TRIM61: variants seen among roughly 807,000 people sequenced by gnomAD.
TRIM61 encodes the protein tripartite motif containing 61.
In TRIM61, 1 loss-of-function variant was observed where a neutral mutation model predicts 14.2. The observed-to-expected ratio is 0.07, with a 90% CI of 0.03 to 0.33. The LOEUF (loss-of-function observed/expected upper bound fraction) is 0.33, where lower values mean the gene tolerates loss of function less well. Among genes scored for constraint, TRIM61 ranks in the 10% least tolerant of loss-of-function variants. The pLI is 0.99. For missense variants in TRIM61, 19 were observed against 202.2 expected (o/e 0.09, Z 5.49); for synonymous variants, 8 against 71.6 (o/e 0.11, Z 4.49).
intron 3 of TRIM61, among the ~76,000 whole-genome samples, chr4:164,965,472 T>C (rs1185445033): frequency 2.0e-4 from 28 of 143,074 alleles, no homozygotes; most frequent in African/African-American, 7.0e-4. Context: ...TTTGAGATGA[T>C]ACCCAGGCTG....
intron 2 of TRIM61, among the ~76,000 whole-genome samples, chr4:164,971,496 CAGG>C (rs1732363680): frequency 6.6e-6 from 1 of 150,760 alleles, no homozygotes; most frequent in South Asian, 2.1e-4. Flanking sequence ...GAGGCTGAGG[CAGG>C]AGAATTGCTT....
chr4:164,965,407 G>C (rs7657444), intron 3 of TRIM61, among the ~76,000 whole-genome samples: 23,682 of 149,644 alleles, frequency 0.16, 2,718 homozygotes, highest in East Asian at 0.61. Flanking sequence ...TCTATGTAAT[G>C]TATTGATTAA....
intron 2 of TRIM61, among the ~76,000 whole-genome samples, 157 bp from the exon 3 acceptor site, chr4:164,970,496 TAAA>T (rs201077044): frequency 7.0e-6 from 1 of 143,110 alleles, no homozygotes. Flanking sequence ...CATTACTTAT[TAAA>T]AAAAAAAAAA....
Position 164,969,819 on chromosome 4 carries a change from C to G in TRIM61, c.184G>C (p.Glu62Gln), listed in dbSNP as rs767375704. 6.2e-7 allele frequency: 1 copy of G among 1,613,908 alleles called. No individual in the cohort carries two copies. Among genetic ancestry groups the G allele is most frequent in the Non-Finnish European group, 8.5e-7 (1 of 1,179,890 alleles). The change falls in exon 3 of 5, where the codon GAA becomes CAA. Residue 62 changes from glutamate (E) to glutamine (Q), a missense_variant. By Grantham distance (29) the Glu-to-Gln change is conservative. Around this residue, in one of 2 missense-constraint regions of TRIM61, gnomAD observed 17 missense variants for 105.5 expected, o/e 0.16. Transcript: ENST00000329314. ...TGGGGATTGCTTATAAATTTCCTTT[C>G]TGGACAGCAAAAGTGGCAAAAGGGG...
chr4:164,976,220 C>T (rs1307738781), intron 2 of TRIM61, among the ~76,000 whole-genome samples: 1 of 152,198 alleles, frequency 6.6e-6, no homozygotes, highest in Non-Finnish European at 1.5e-5. Flanking sequence ...ACTGAGGGAA[C>T]TCAGAGGCCG....
At chr4:164,975,809 G>C (rs144002660) in intron 2 of TRIM61, among the ~76,000 whole-genome samples, 4,368 of 152,228 alleles carry the variant, frequency 0.029, 210 homozygotes, top group African/African-American at 0.1. Context: ...ACCCGTAAAG[G>C]GTCTGTGCTG....
intron 3 of TRIM61, chr4:164,956,941 T>C (rs769123450): frequency 6.8e-5 from 92 of 1,346,036 alleles, no homozygotes; most frequent in African/African-American, 4.1e-4. Context: ...GCCGGCACCG[T>C]CTCTGGGCTT....
chr4:164,957,653 A>G, intron 3 of TRIM61: 1 of 899,388 alleles, frequency 1.1e-6, no homozygotes, highest in Non-Finnish European at 1.6e-6. Flanking sequence ...GGAAGAGATT[A>G]AACTCTGATT....
At chr4:164,976,174 T>C (rs1433701265) in intron 2 of TRIM61, among the ~76,000 whole-genome samples, 1 of 152,158 alleles carries the variant, frequency 6.6e-6, no homozygotes, top group Non-Finnish European at 1.5e-5. Flanking sequence ...ACTACATTCC[T>C]TTTTGCTGAA....
intron 2 of TRIM61, among the ~76,000 whole-genome samples, chr4:164,973,202 A>G (rs1732408028): frequency 6.6e-6 from 1 of 152,190 alleles, no homozygotes; most frequent in East Asian, 1.9e-4. Context: ...AACCATCAGA[A>G]CAACTCCGTA....
chr4:164,967,503 G>C (rs1732268774), intron 3 of TRIM61, among the ~76,000 whole-genome samples: 1 of 152,182 alleles, frequency 6.6e-6, no homozygotes, highest in Non-Finnish European at 1.5e-5. Flanking sequence ...AAGGACAGTA[G>C]CTGAACAGGA....
intron 3 of TRIM61, among the ~76,000 whole-genome samples, chr4:164,963,071 A>G (rs1437956764): frequency 1.3e-5 from 2 of 152,246 alleles, no homozygotes; most frequent in African/African-American, 2.4e-5. Flanking sequence ...AAATGTAATC[A>G]TAAAACATGC....
chr4:164,971,056 G>A (rs972857993), intron 2 of TRIM61, among the ~76,000 whole-genome samples: 2 of 152,112 alleles, frequency 1.3e-5, no homozygotes, highest in African/African-American at 4.8e-5. Flanking sequence ...AGCTGAGATT[G>A]CAGCACGGCA....
chr4:164,973,720 A>G (rs572025345), intron 2 of TRIM61, among the ~76,000 whole-genome samples: 9 of 152,244 alleles, frequency 5.9e-5, no homozygotes, highest in Non-Finnish European at 7.3e-5. Context: ...CATTTAACCC[A>G]TGTACAATAA....
intron 3 of TRIM61, chr4:164,958,593 A>G (rs1732066464): frequency 1.2e-5 from 2 of 167,108 alleles, no homozygotes; most frequent in African/African-American, 4.8e-5. Context: ...GCAACTATCA[A>G]TAAAACAGTA....
intron 2 of TRIM61, among the ~76,000 whole-genome samples, chr4:164,971,975 C>T (rs930581422): frequency 2.0e-5 from 3 of 152,174 alleles, no homozygotes; most frequent in African/African-American, 4.8e-5. Flanking sequence ...GTCTTGGTGA[C>T]CTAGCAAGTT....
At chr4:164,974,777 C>T (rs1241428648) in intron 2 of TRIM61, among the ~76,000 whole-genome samples, 1 of 152,162 alleles carries the variant, frequency 6.6e-6, no homozygotes, top group Non-Finnish European at 1.5e-5. Flanking sequence ...ACTCTTCCCA[C>T]CTGCCCACAC....
In TRIM61 at chr4:164,973,742, G is replaced by C. The variant is rs564167800; in HGVS notation, c.-338+2946C>G. On this transcript the variant is annotated intron_variant, in intron 2 of 4. Transcript: ENST00000329314. ...CCCATGTACAATAAAAAATATTGTA[G>C]GACTATCTCAGAAAATCTCTCAAGA... 2.6e-5 allele frequency among the ~76,000 whole-genome samples: 4 copies of C among 152,270 alleles called. No homozygotes were observed. In the South Asian group the frequency reaches 8.3e-4, roughly 32 times the overall value.
At chr4:164,964,548 A>T (rs1732199012) in intron 3 of TRIM61, among the ~76,000 whole-genome samples, 1 of 149,154 alleles carries the variant, frequency 6.7e-6, no homozygotes, top group South Asian at 2.1e-4. Context: ...ACTGCCACGA[A>T]CTGCCCAAGT....
Sources: gnomAD v4.1 joint callset for allele counts (sites outside exome capture counted in the v4.1 genomes callset) on GRCh38, gnomAD v4.1.1 for gene constraint, gnomAD v4.1.1 regional missense constraint, MANE v1.5 for transcripts, NCBI Gene and HGNC (gene_info 2026-07-23, HGNC 2026-07-21) for gene names.